AGBL1: variants seen among roughly 807,000 people sequenced by gnomAD.
AGBL1 encodes the protein AGBL carboxypeptidase 1, also known as cytosolic carboxypeptidase 4.
In AGBL1, 130 loss-of-function variants were observed where a neutral mutation model predicts 118.9. The ratio of observed to expected loss-of-function variants is 1.09; its 90% CI spans 0.95 to 1.26. The LOEUF (loss-of-function observed/expected upper bound fraction) is 1.26, where lower values mean the gene tolerates loss of function less well. Among genes scored for constraint, AGBL1 ranks in the 50% most tolerant of loss-of-function variants. The probability of loss-of-function intolerance (pLI) is 0.00; values close to 1 mark genes in which losing one functional copy is unlikely to be tolerated. For missense variants in AGBL1, 1,584 were observed against 1,298.1 expected (o/e 1.22, Z -3.38); for synonymous variants, 555 against 478.9 (o/e 1.16, Z -2.08).
At chr15:86,561,787 C>T (rs1318940536) in intron 21 of AGBL1, among the ~76,000 whole-genome samples, 3 of 152,166 alleles carry the variant, frequency 2.0e-5, no homozygotes, top group Non-Finnish European at 4.4e-5. Flanking sequence ...TATCCATGAG[C>T]ATGGAATGTT....
At chr15:86,469,499 TG>T (rs1301870679) in intron 18 of AGBL1, among the ~76,000 whole-genome samples, 5 of 152,168 alleles carry the variant, frequency 3.3e-5, no homozygotes, top group Non-Finnish European at 7.3e-5. Flanking sequence ...ACACTTAGAT[TG>T]ATTCTGTATC....
chr15:86,870,447 C>T (rs2079705022), intron 22 of AGBL1, among the ~76,000 whole-genome samples: 2 of 42,556 alleles, frequency 4.7e-5, no homozygotes, highest in Non-Finnish European at 8.3e-5. Context: ...AAAAGTAAAG[C>T]ATACTGCAAA....
intron 17 of AGBL1, among the ~76,000 whole-genome samples, chr15:86,322,572 A>G (rs1297361569): frequency 6.6e-6 from 1 of 151,952 alleles, no homozygotes; most frequent in Non-Finnish European, 1.5e-5. Context: ...GCTAGTTTTT[A>G]TTTGTAATAT....
intron 18 of AGBL1, among the ~76,000 whole-genome samples, chr15:86,416,103 C>G (rs753470746): frequency 6.6e-6 from 1 of 152,112 alleles, no homozygotes; most frequent in Non-Finnish European, 1.5e-5. Flanking sequence ...GGTACCCCCT[C>G]AGACAGTTCA....
chr15:86,552,746 GGA>G (rs1457658026), intron 20 of AGBL1, among the ~76,000 whole-genome samples: 4 of 152,100 alleles, frequency 2.6e-5, no homozygotes, highest in African/African-American at 4.8e-5. Context: ...ACAAATAGAT[GGA>G]GGGATTATAG....
At chr15:86,763,438 T>C (rs2078054931) in intron 22 of AGBL1, among the ~76,000 whole-genome samples, 1 of 152,050 alleles carries the variant, frequency 6.6e-6, no homozygotes, top group African/African-American at 2.4e-5. Context: ...ATTACAAAAA[T>C]TATACTCACT....
intron 21 of AGBL1, among the ~76,000 whole-genome samples, chr15:86,640,497 A>G (rs1275910026): frequency 6.6e-6 from 1 of 152,148 alleles, no homozygotes; most frequent in Non-Finnish European, 1.5e-5. Flanking sequence ...TATGGGTATA[A>G]AGATTTATGT....
intron 22 of AGBL1, among the ~76,000 whole-genome samples, chr15:86,765,703 T>A (rs543574862): frequency 6.4e-4 from 98 of 152,094 alleles, no homozygotes; most frequent in Middle Eastern, 6.8e-3. Context: ...CGGCTTTTTT[T>A]TAAAAATTTT....
intron 18 of AGBL1, among the ~76,000 whole-genome samples, chr15:86,437,505 C>T (rs74742003): frequency 0.043 from 6,603 of 152,194 alleles, 225 homozygotes; most frequent in East Asian, 0.15. Flanking sequence ...AAAGAACTAC[C>T]TTATCCTGAA....
intron 16 of AGBL1, among the ~76,000 whole-genome samples, chr15:86,289,942 A>C (rs1006548543): frequency 6.6e-6 from 1 of 152,202 alleles, no homozygotes; most frequent in African/African-American, 2.4e-5. Flanking sequence ...ATAAGCAATA[A>C]ACTCAACTCT....
In AGBL1 at chr15:86,247,819, G is replaced by A. The variant is rs756140210; in HGVS notation, c.675G>A (p.Arg225=). 2 of 1,613,980 alleles carry A rather than the reference G, an allele frequency of 1.2e-6. No individual in the cohort carries two copies. Among genetic ancestry groups the A allele is most frequent in the Non-Finnish European group, 1.7e-6 (2 of 1,179,904 alleles). Residue 225 remains arginine (R), a synonymous_variant, in exon 7 of 23, where the codon CGG becomes CGA. Coordinates refer to ENST00000614907, the MANE Select transcript of AGBL1 (RefSeq NM_001386094.1). ...LLCLRHIAAL[R]SGREAFLAAQ... ...GCCTCAGGCACATTGCTGCCCTCCG[G>A]TCCGGCAGGGAGGCCTTCCTGGCAG... is the stretch of plus-strand genomic sequence containing the variant.
intron 22 of AGBL1, among the ~76,000 whole-genome samples, chr15:86,729,013 A>T (rs1316224246): frequency 2.6e-5 from 4 of 152,214 alleles, no homozygotes; most frequent in African/African-American, 9.6e-5. Flanking sequence ...TGGATAAATA[A>T]ATAAATGCAA....
At chr15:86,801,747 T>C (rs2078653158) in intron 22 of AGBL1, among the ~76,000 whole-genome samples, 1 of 152,128 alleles carries the variant, frequency 6.6e-6, no homozygotes, top group African/African-American at 2.4e-5. Flanking sequence ...ACATTTTACA[T>C]GAAGATTTGG....
intron 17 of AGBL1, among the ~76,000 whole-genome samples, chr15:86,349,460 T>G (rs2080591134): frequency 6.6e-6 from 1 of 152,214 alleles, no homozygotes; most frequent in Non-Finnish European, 1.5e-5. Context: ...ATGTTTGCAA[T>G]TTCTCACCTG....
intron 22 of AGBL1, among the ~76,000 whole-genome samples, chr15:86,787,010 A>C (rs2078421971): frequency 1.3e-5 from 2 of 152,176 alleles, no homozygotes. Flanking sequence ...AATGCTCCAC[A>C]TTTTGTCAAC....
At chr15:86,205,020 T>C (rs2077968884) in intron 5 of AGBL1, among the ~76,000 whole-genome samples, 2 of 152,330 alleles carry the variant, frequency 1.3e-5, no homozygotes, top group South Asian at 2.1e-4. Flanking sequence ...ACCATTATAG[T>C]ATCATACAGA....
chr15:86,929,834 C>A (rs117624540), intron 23 of AGBL1, among the ~76,000 whole-genome samples: 1 of 152,276 alleles, frequency 6.6e-6, no homozygotes, highest in Non-Finnish European at 1.5e-5. Context: ...ATATCATATT[C>A]ACAGATGAAC....
At chr15:87,017,067 C>T (rs1224384887) in intron 24 of AGBL1, among the ~76,000 whole-genome samples, 1 of 152,090 alleles carries the variant, frequency 6.6e-6, no homozygotes, top group African/African-American at 2.4e-5. Context: ...TCCACAATAC[C>T]TCACAAGTTA....
intron 5 of AGBL1, among the ~76,000 whole-genome samples, chr15:86,206,845 T>A (rs896854720): frequency 6.6e-6 from 1 of 152,220 alleles, no homozygotes; most frequent in Non-Finnish European, 1.5e-5. Context: ...TTGGCATTTG[T>A]TGCCATTGCT....
Sources: gnomAD v4.1 joint callset for allele counts (sites outside exome capture counted in the v4.1 genomes callset) on GRCh38, gnomAD v4.1.1 for gene constraint, MANE v1.5 for transcripts, NCBI Gene and HGNC (gene_info 2026-07-23, HGNC 2026-07-21) for gene names.